The following HNRNPC variants were observed in gnomAD, a reference collection of about 807,000 sequenced individuals.
HNRNPC encodes the protein heterogeneous nuclear ribonucleoprotein C.
Under a neutral mutation model 33.2 loss-of-function variants are expected in HNRNPC, and 3 were observed. That is an observed-to-expected ratio of 0.09 (90% CI 0.04 to 0.23). The LOEUF is 0.23. Ranked by LOEUF, HNRNPC falls within the 10% of genes least tolerant of loss-of-function variation. HNRNPC has a pLI of 1.00. For missense variants in HNRNPC, 143 were observed against 366.7 expected (o/e 0.39, Z 4.98); for synonymous variants, 121 against 126.7 (o/e 0.96, Z 0.30).
intron 5 of HNRNPC, among the ~76,000 whole-genome samples, chr14:21,228,549 G>A (rs930750468): frequency 2.6e-5 from 4 of 151,704 alleles, no homozygotes; most frequent in Non-Finnish European, 4.4e-5. Context: ...GTGCCACCAC[G>A]CCCAGCTAAT....
chr14:21,259,882 CAAA>C (rs5807071), intron 2 of HNRNPC, among the ~76,000 whole-genome samples: 6 of 132,872 alleles, frequency 4.5e-5, no homozygotes, highest in Non-Finnish European at 7.9e-5. Flanking sequence ...CTGTCTCCAC[CAAA>C]AAAAAAAAAA....
At chr14:21,246,457 T>C (rs1200312413) in intron 2 of HNRNPC, among the ~76,000 whole-genome samples, 1 of 151,804 alleles carries the variant, frequency 6.6e-6, no homozygotes, top group African/African-American at 2.4e-5. Flanking sequence ...TCCCAGCTAC[T>C]TGGGAGGCTG....
chr14:21,217,162 A>G (rs946942562), intron 5 of HNRNPC, among the ~76,000 whole-genome samples: 1 of 152,218 alleles, frequency 6.6e-6, no homozygotes, highest in African/African-American at 2.4e-5. Flanking sequence ...TCTCATTCAC[A>G]TCTGAGGAAG....
At chr14:21,255,158 G>A (rs1286307646) in intron 2 of HNRNPC, among the ~76,000 whole-genome samples, 1 of 152,090 alleles carries the variant, frequency 6.6e-6, no homozygotes, top group Admixed American at 6.5e-5. Flanking sequence ...AGGACTGGAG[G>A]AAAATTTTTG....
At chr14:21,265,809 T>C (rs1196796203) in intron 1 of HNRNPC, among the ~76,000 whole-genome samples, 1 of 152,140 alleles carries the variant, frequency 6.6e-6, no homozygotes, top group Non-Finnish European at 1.5e-5. Flanking sequence ...AGCTCAGAGA[T>C]AGTTTTAGAA....
intron 1 of HNRNPC, chr14:21,268,481 G>A (rs1249055109): frequency 6.6e-6 from 1 of 152,166 alleles, no homozygotes; most frequent in South Asian, 2.1e-4. Flanking sequence ...ATATTAACTA[G>A]GTATTCCATT....
At chr14:21,245,412 G>T (rs144481314) in intron 2 of HNRNPC, among the ~76,000 whole-genome samples, 3 of 152,078 alleles carry the variant, frequency 2.0e-5, no homozygotes, top group Non-Finnish European at 4.4e-5. Context: ...AGGAGAAATC[G>T]CTTGAACCCG....
chr14:21,220,807 C>A (rs777699551), intron 5 of HNRNPC, among the ~76,000 whole-genome samples: 2 of 150,742 alleles, frequency 1.3e-5, no homozygotes, highest in Non-Finnish European at 2.9e-5. Flanking sequence ...CCAAAAAATT[C>A]TATCTGTTTT....
At chr14:21,267,123 A>G (rs6571739) in intron 1 of HNRNPC, among the ~76,000 whole-genome samples, 4 of 122,536 alleles carry the variant, frequency 3.3e-5, no homozygotes, top group Non-Finnish European at 7.0e-5. Flanking sequence ...AAAAAAAAAA[A>G]AAAACAAAAC....
intron 2 of HNRNPC, among the ~76,000 whole-genome samples, chr14:21,247,745 T>C (rs1486996751): frequency 6.7e-6 from 1 of 150,100 alleles, no homozygotes; most frequent in Non-Finnish European, 1.5e-5. Context: ...AGGACAGGAG[T>C]TCAAGACCAG....
chr14:21,242,599 G>A (rs1431250757), intron 2 of HNRNPC, among the ~76,000 whole-genome samples: 2 of 152,210 alleles, frequency 1.3e-5, no homozygotes, highest in Non-Finnish European at 2.9e-5. Flanking sequence ...AAAACTTGGT[G>A]AGTGGAGTAC....
intron 6 of HNRNPC, among the ~76,000 whole-genome samples, chr14:21,212,436 T>G (rs1891717412): frequency 6.6e-6 from 1 of 152,322 alleles, no homozygotes; most frequent in South Asian, 2.1e-4. Flanking sequence ...CTCAGGAACT[T>G]AACGCACACC....
rs147273701 is a variant in HNRNPC, at chr14:21,264,206, T to A, written c.-62-870A>T. ...AGATTATAAAACCTAAGCAGATTCA[T>A]GGGTTTTAAACTTAAAAAAGTCCGT... On this transcript the variant is annotated intron_variant, in intron 1 of 8. Coordinates refer to ENST00000553300, the MANE Select transcript of HNRNPC (RefSeq NM_004500.4). 12 of 152,278 alleles carry A rather than the reference T, an allele frequency of 7.9e-5. No homozygotes were observed. The East Asian group carries it at 2.3e-3, about 29-fold the overall frequency. The allele number at this position is 152,278 out of a possible 1,614,324, so 9.4% of individuals were successfully genotyped here.
intron 2 of HNRNPC, among the ~76,000 whole-genome samples, chr14:21,253,312 TAA>T (rs369876564): frequency 6.0e-5 from 8 of 133,070 alleles, no homozygotes; most frequent in Non-Finnish European, 8.0e-5. Context: ...CCATCTCTAC[TAA>T]AAAAAAAAAA....
chr14:21,261,570 C>T (rs185289675), intron 2 of HNRNPC, among the ~76,000 whole-genome samples: 148 of 151,964 alleles, frequency 9.7e-4, no homozygotes, highest in African/African-American at 2.8e-3. Flanking sequence ...TGTGATTTAC[C>T]CTAGTACAAC....
intron 2 of HNRNPC, among the ~76,000 whole-genome samples, chr14:21,259,575 T>C (rs1238874838): frequency 6.6e-6 from 1 of 152,114 alleles, no homozygotes; most frequent in South Asian, 2.1e-4. Context: ...TTCCCCAATA[T>C]CTATCCCTAT....
At chr14:21,224,722 A>G (rs1449155750) in intron 5 of HNRNPC, among the ~76,000 whole-genome samples, 1 of 152,166 alleles carries the variant, frequency 6.6e-6, no homozygotes, top group East Asian at 1.9e-4. Context: ...GCCCTTTACA[A>G]CTAACATTCT....
chr14:21,211,160 G>C lies in HNRNPC; in HGVS notation c.*63C>G, dbSNP rs888288761. The C allele has an allele frequency of 3.5e-5, 53 of 1,518,030 alleles. No individual in the cohort carries two copies. The highest frequency in any genetic ancestry group is 4.8e-5 in the Non-Finnish European group (53 of 1,102,044). The allele number at this position is 1,518,030 out of a possible 1,614,324, so 94.0% of individuals were successfully genotyped here. On this transcript the variant is annotated 3_prime_UTR_variant, in exon 9 of 9. Transcript: ENST00000553300. Reference sequence around the variant, plus strand: ...GGGGAGAGGATCTGGTGAAAAATTTGATCTTAGACAAGCGCCTAGGTAAAG... The same window carrying C: ...GGGGAGAGGATCTGGTGAAAAATTTCATCTTAGACAAGCGCCTAGGTAAAG...
In HNRNPC at chr14:21,211,943, C is replaced by A; in HGVS notation, c.524-20G>T. Reference sequence around the variant, plus strand: ...CTTTCACTTTAATATAAACAAAATACTAGATTAAAATCAAATGTACCGAAG... The same window carrying A: ...CTTTCACTTTAATATAAACAAAATAATAGATTAAAATCAAATGTACCGAAG... On this transcript the variant is annotated intron_variant, in intron 6 of 8. Transcript: ENST00000553300. The A allele has an allele frequency of 6.4e-7, 1 of 1,556,698 alleles. No individual in the cohort carries two copies. Among genetic ancestry groups the A allele is most frequent in the Non-Finnish European group, 8.9e-7 (1 of 1,129,238 alleles).
Sources: allele counts gnomAD v4.1 joint callset (sites outside exome capture counted in the v4.1 genomes callset), GRCh38; gene constraint gnomAD v4.1.1; transcripts MANE v1.5; gene names NCBI Gene and HGNC (gene_info 2026-07-23, HGNC 2026-07-21).